The following SH3BGRL2 variants were observed in gnomAD, a reference collection of about 807,000 sequenced individuals.
SH3BGRL2 encodes SH3 domain-binding glutamic acid-rich-like protein 2.
In SH3BGRL2, 21 loss-of-function variants were observed where a neutral mutation model predicts 14.8. That is an observed-to-expected ratio of 1.42 (90% CI 1.01 to 2.05). The LOEUF is 2.05. SH3BGRL2 is among the 30% of genes most tolerant of loss of function. SH3BGRL2 has a pLI of 0.00. For missense variants in SH3BGRL2, 147 were observed against 130.8 expected (o/e 1.12, Z -0.61); for synonymous variants, 50 against 47.8 (o/e 1.05, Z -0.19).
At chr6:79,696,049 A>T (rs974793368) in intron 2 of SH3BGRL2, among the ~76,000 whole-genome samples, 1 of 152,230 alleles carries the variant, frequency 6.6e-6, no homozygotes, top group African/African-American at 2.4e-5. Context: ...TCATTGACAC[A>T]TGGAGACCTT....
At chr6:79,576,732 A>G in the SH3BGRL2 span, among the ~76,000 whole-genome samples, 1 of 152,168 alleles carries the variant, frequency 6.6e-6, no homozygotes, top group African/African-American at 2.4e-5. Context: ...AACCACCACC[A>G]CAATTAAGCT....
chr6:79,546,460 C>G, the SH3BGRL2 span, among the ~76,000 whole-genome samples: 1 of 152,146 alleles, frequency 6.6e-6, no homozygotes, highest in Non-Finnish European at 1.5e-5. Context: ...TTACTGCCAG[C>G]AACCATCACC....
At chr6:79,567,075 T>C in the SH3BGRL2 span, among the ~76,000 whole-genome samples, 1 of 152,164 alleles carries the variant, frequency 6.6e-6, no homozygotes, top group Non-Finnish European at 1.5e-5. Flanking sequence ...GGCTGTAATG[T>C]TTCATGTTTT....
chr6:79,623,939 A>G, the SH3BGRL2 span, among the ~76,000 whole-genome samples: 1 of 152,204 alleles, frequency 6.6e-6, no homozygotes, highest in Non-Finnish European at 1.5e-5. Flanking sequence ...CTCTATTGCA[A>G]TTATTTTAAA....
At chr6:79,607,241 C>T in the SH3BGRL2 span, among the ~76,000 whole-genome samples, 1 of 152,156 alleles carries the variant, frequency 6.6e-6, no homozygotes, top group Non-Finnish European at 1.5e-5. Flanking sequence ...AGCTTCAAAA[C>T]CACAGCCTTG....
the SH3BGRL2 span, among the ~76,000 whole-genome samples, chr6:79,585,458 G>A: frequency 1.3e-5 from 2 of 152,302 alleles, no homozygotes; most frequent in Admixed American, 1.3e-4. Context: ...AAGAGGCATT[G>A]AGATTAAAAT....
chr6:79,660,125 C>A (rs1769513599), intron 1 of SH3BGRL2, among the ~76,000 whole-genome samples: 1 of 152,136 alleles, frequency 6.6e-6, no homozygotes, highest in Admixed American at 6.5e-5. Context: ...ATTGAATACC[C>A]TTTATTTCTT....
At chr6:79,563,081 G>C in the SH3BGRL2 span, among the ~76,000 whole-genome samples, 1 of 151,910 alleles carries the variant, frequency 6.6e-6, no homozygotes, top group South Asian at 2.1e-4. Flanking sequence ...TCAGCCTCTC[G>C]AGGAGCTGGG....
the SH3BGRL2 span, among the ~76,000 whole-genome samples, chr6:79,559,660 A>G: frequency 6.6e-6 from 1 of 152,200 alleles, no homozygotes; most frequent in Non-Finnish European, 1.5e-5. Context: ...ATTAGAAGGA[A>G]AAGTAAAGGC....
chr6:79,677,227 C>T (rs919852101), intron 2 of SH3BGRL2, among the ~76,000 whole-genome samples: 7 of 152,124 alleles, frequency 4.6e-5, no homozygotes, highest in Admixed American at 2.0e-4. Context: ...TACCACATTG[C>T]GAGTGACACG....
At chr6:79,569,500 C>T in the SH3BGRL2 span, among the ~76,000 whole-genome samples, 2 of 152,120 alleles carry the variant, frequency 1.3e-5, no homozygotes, top group African/African-American at 4.8e-5. Context: ...ACTTTGATTT[C>T]TTTCAGGGCC....
At chr6:79,699,464 T>C (rs778302880) in intron 3 of SH3BGRL2, 34 bp from the exon 4 acceptor site, 2 of 72,010 alleles carry the variant, frequency 2.8e-5, no homozygotes, top group South Asian at 4.7e-4. Context: ...AATAACTGAC[T>C]TTTTTTTTTT....
At chr6:79,691,069 C>G (rs1770203876) in intron 2 of SH3BGRL2, among the ~76,000 whole-genome samples, 1 of 152,034 alleles carries the variant, frequency 6.6e-6, no homozygotes, top group African/African-American at 2.4e-5. Flanking sequence ...ATGGGAGGAT[C>G]ACCTGAGCCC....
At chr6:79,565,083 T>C in the SH3BGRL2 span, among the ~76,000 whole-genome samples, 1 of 152,200 alleles carries the variant, frequency 6.6e-6, no homozygotes, top group African/African-American at 2.4e-5. Context: ...TGCTCTTTTT[T>C]TCCCCCTCCA....
At chr6:79,680,052 G>A (rs1447113455) in intron 2 of SH3BGRL2, among the ~76,000 whole-genome samples, 1 of 152,102 alleles carries the variant, frequency 6.6e-6, no homozygotes, top group African/African-American at 2.4e-5. Flanking sequence ...TCTGTTGATT[G>A]TGTCCTTTGA....
At chr6:79,609,279 T>C in the SH3BGRL2 span, among the ~76,000 whole-genome samples, 2 of 152,160 alleles carry the variant, frequency 1.3e-5, no homozygotes, top group Non-Finnish European at 2.9e-5. Context: ...GGAAAATGTA[T>C]GTAAAGGGAA....
intron 2 of SH3BGRL2, among the ~76,000 whole-genome samples, chr6:79,679,247 C>T (rs1487658081): frequency 6.6e-6 from 1 of 152,092 alleles, no homozygotes; most frequent in Non-Finnish European, 1.5e-5. Context: ...TAGGCCTTTC[C>T]TTTTCTCTGT....
the SH3BGRL2 span, among the ~76,000 whole-genome samples, chr6:79,617,071 G>C: frequency 2.0e-5 from 3 of 152,008 alleles, no homozygotes; most frequent in Non-Finnish European, 4.4e-5. Flanking sequence ...TGTAATCCCA[G>C]CTACCCAGGA....
chr6:79,671,731 G>A lies in SH3BGRL2; in HGVS notation c.46-1883G>A, dbSNP rs142467762. On this transcript the variant is annotated intron_variant, in intron 1 of 3. Transcript: ENST00000369838. ...GAAGCCTCTCTGTTACCTGGGCCCCGCCCAGTAGGCTGATGTGTTTCTCTA... is the reference window on the plus strand; with the variant it reads ...GAAGCCTCTCTGTTACCTGGGCCCCACCCAGTAGGCTGATGTGTTTCTCTA... Among the ~76,000 whole-genome samples the A allele has an allele frequency of 5.8e-3, 884 of 152,288 alleles. 11 individuals carry two copies. Among genetic ancestry groups the A allele is most frequent in the African/African-American group, 0.02 (816 of 41,562 alleles).
Sources: gnomAD v4.1 joint callset for allele counts (sites outside exome capture counted in the v4.1 genomes callset) on GRCh38, gnomAD v4.1.1 for gene constraint, MANE v1.5 for transcripts, NCBI Gene and HGNC (gene_info 2026-07-23, HGNC 2026-07-21) for gene names.